Variants in PDE5A observed in about 807,000 individuals in gnomAD.
PDE5A encodes the protein cGMP-specific 3',5'-cyclic phosphodiesterase.
A neutral mutation model predicts 110.2 loss-of-function variants in PDE5A; 67 were observed. The observed-to-expected ratio is 0.61, with a 90% CI of 0.50 to 0.75. The LOEUF (loss-of-function observed/expected upper bound fraction) is 0.75, where lower values mean the gene tolerates loss of function less well. Ranked by LOEUF, PDE5A falls within the 30% of genes least tolerant of loss-of-function variation. The pLI, the probability that PDE5A is intolerant of heterozygous loss-of-function variation, is 0.00. For missense variants in PDE5A, 862 were observed against 1,045.1 expected (o/e 0.82, Z 2.42); for synonymous variants, 328 against 351.2 (o/e 0.93, Z 0.74).
chr4:119,559,886 T>G (rs1727686283), intron 7 of PDE5A, among the ~76,000 whole-genome samples: 1 of 152,178 alleles, frequency 6.6e-6, no homozygotes, highest in Non-Finnish European at 1.5e-5. Context: ...TTTATCTCCC[T>G]TGACTACTCA....
chr4:119,569,650 C>T (rs1728075410), intron 3 of PDE5A: 1 of 152,346 alleles, frequency 6.6e-6, no homozygotes, highest in African/African-American at 2.4e-5. Flanking sequence ...TATAGTAGGA[C>T]AATTACGTAC....
At chr4:119,504,026 G>A (rs1202251876) in intron 18 of PDE5A, among the ~76,000 whole-genome samples, 2 of 151,952 alleles carry the variant, frequency 1.3e-5, no homozygotes, top group Admixed American at 1.3e-4. Context: ...GTGGGGACTG[G>A]GCTTCTAGTA....
intron 11 of PDE5A, among the ~76,000 whole-genome samples, chr4:119,536,954 C>T (rs1396888674): frequency 6.6e-6 from 1 of 152,180 alleles, no homozygotes; most frequent in African/African-American, 2.4e-5. Flanking sequence ...AGTTGACTTA[C>T]ACAAAGAACT....
chr4:119,625,575 G>A (rs1162191286), intron 1 of PDE5A, among the ~76,000 whole-genome samples: 1 of 152,076 alleles, frequency 6.6e-6, no homozygotes, highest in Non-Finnish European at 1.5e-5. Flanking sequence ...TGGACGATCT[G>A]GGTGAATATA....
chr4:119,535,859 A>G (rs1327243985), intron 11 of PDE5A, among the ~76,000 whole-genome samples: 2 of 152,198 alleles, frequency 1.3e-5, no homozygotes, highest in African/African-American at 4.8e-5. Flanking sequence ...AAAAATTAAG[A>G]AAATATTTGA....
chr4:119,628,146 G>C (rs1730429831), intron 1 of PDE5A: 1 of 487,070 alleles, frequency 2.1e-6, no homozygotes, highest in South Asian at 8.6e-5. Flanking sequence ...CGGAGCTGCA[G>C]GGAAGGGGCT....
At chr4:119,580,173 A>C (rs1470029132) in intron 3 of PDE5A, among the ~76,000 whole-genome samples, 2 of 152,014 alleles carry the variant, frequency 1.3e-5, no homozygotes, top group Admixed American at 6.5e-5. Flanking sequence ...CCTAGTGTTT[A>C]TCCTCATCCC....
chr4:119,620,818 A>G (rs1730116687), intron 1 of PDE5A, among the ~76,000 whole-genome samples: 1 of 152,242 alleles, frequency 6.6e-6, no homozygotes, highest in Admixed American at 6.5e-5. Context: ...CGTAAATTTA[A>G]TATGCATATA....
chr4:119,560,716 G>A (rs1467687103), intron 6 of PDE5A, among the ~76,000 whole-genome samples: 1 of 152,098 alleles, frequency 6.6e-6, no homozygotes, highest in East Asian at 1.9e-4. Flanking sequence ...TACATTGATT[G>A]TTGTTAAATC....
chr4:119,598,879 G>C (rs951317621), intron 2 of PDE5A, among the ~76,000 whole-genome samples: 1 of 152,134 alleles, frequency 6.6e-6, no homozygotes, highest in African/African-American at 2.4e-5. Flanking sequence ...GTGACCAAAA[G>C]ATACTGAGTT....
At chr4:119,529,339 A>C (rs1322842428) in intron 11 of PDE5A, among the ~76,000 whole-genome samples, 2 of 152,104 alleles carry the variant, frequency 1.3e-5, no homozygotes, top group Non-Finnish European at 1.5e-5. Context: ...TTGTGATAGC[A>C]AGGCTCCATT....
At position 119,498,629 on chromosome 4, in the gene PDE5A, C is replaced by G. The variant is rs1725177646; in HGVS notation, c.2600G>C (p.Gly867Ala). ...GTTCCGCTTGGCCTGGCCGCTTTCCCCATTAATCAGCATCTTCTCCTGCTG... is the reference window on the plus strand; with the variant it reads ...GTTCCGCTTGGCCTGGCCGCTTTCCGCATTAATCAGCATCTTCTCCTGCTG... ...AEQQEKMLINGESGQAKRN is the reference protein window; with the variant it reads ...AEQQEKMLINAESGQAKRN The change falls in exon 21 of 21, where the codon GGG becomes GCG. Residue 867 changes from glycine to alanine, a missense_variant. Physicochemically the swap from Gly to Ala is moderately conservative, Grantham distance 60. Coordinates refer to ENST00000354960, the MANE Select transcript of PDE5A (RefSeq NM_001083.4). The G allele has an allele frequency of 6.2e-7, 1 of 1,613,906 alleles. No homozygotes were observed. Among genetic ancestry groups the G allele is most frequent in the African/African-American group, 1.3e-5 (1 of 74,908 alleles).
intron 2 of PDE5A, among the ~76,000 whole-genome samples, 155 bp from the exon 3 acceptor site, chr4:119,596,767 C>T (rs564226292): frequency 6.6e-6 from 1 of 152,104 alleles, no homozygotes; most frequent in African/African-American, 2.4e-5. Flanking sequence ...CATGTAAGTA[C>T]ATATTATATT....
intron 12 of PDE5A, among the ~76,000 whole-genome samples, chr4:119,521,467 A>G (rs1726126003): frequency 6.6e-6 from 1 of 151,158 alleles, no homozygotes; most frequent in African/African-American, 2.4e-5. Flanking sequence ...GTATGAATTC[A>G]CCATTTGAGA....
intron 12 of PDE5A, among the ~76,000 whole-genome samples, chr4:119,521,274 C>T (rs1400533615): frequency 1.3e-5 from 2 of 151,868 alleles, no homozygotes; most frequent in Non-Finnish European, 2.9e-5. Flanking sequence ...AATTTGACTC[C>T]ACAGCCTACC....
In PDE5A at chr4:119,624,157, A is replaced by G. The variant is rs182915361; in HGVS notation, c.152+4363T>C. 2.6e-5 allele frequency among the ~76,000 whole-genome samples: 4 copies of G among 152,310 alleles called. No homozygotes were observed. In the East Asian group the frequency reaches 5.8e-4, roughly 22 times the overall value. Reference sequence around the variant, plus strand: ...CCAGAATTACCATTATAAAAATACTATAAACAATATCAAAGTTAGACTGGG... The same window carrying G: ...CCAGAATTACCATTATAAAAATACTGTAAACAATATCAAAGTTAGACTGGG... On this transcript the variant is annotated intron_variant, in intron 1 of 20. Coordinates refer to ENST00000354960, the MANE Select transcript of PDE5A (RefSeq NM_001083.4).
rs1181969155 is a variant in PDE5A at position 119,525,426 on chromosome 4, A to G, written c.1779+123T>C. 4.7e-6 allele frequency: 4 copies of G among 848,780 alleles called. No individual in the cohort carries two copies. The African/African-American group carries it at 6.8e-5, about 14-fold the overall frequency. The allele number at this position is 848,780 out of a possible 1,614,324, so 52.6% of individuals were successfully genotyped here. ...AAGTCTCGGGTATATATTAGGTGAC[A>G]GTATATTAATCACTAAAATGTAAAA... On this transcript the variant is annotated intron_variant, in intron 12 of 20. Coordinates refer to ENST00000354960, the MANE Select transcript of PDE5A (RefSeq NM_001083.4). This position sits in a 1 kb window ranked among gnomAD's most constrained non-coding sequence, Gnocchi z 4.3.
At chr4:119,581,385 CT>C (rs1728583866) in intron 3 of PDE5A, among the ~76,000 whole-genome samples, 1 of 152,214 alleles carries the variant, frequency 6.6e-6, no homozygotes, top group South Asian at 2.1e-4. Flanking sequence ...CCACTGAAAG[CT>C]AGATATCCAT....
At chr4:119,509,749 G>A (rs1725676547) in intron 15 of PDE5A, among the ~76,000 whole-genome samples, 1 of 152,016 alleles carries the variant, frequency 6.6e-6, no homozygotes. Context: ...TTATAAGGAG[G>A]TTGCCAAAAC....
Sources: gnomAD v4.1 joint callset for allele counts (sites outside exome capture counted in the v4.1 genomes callset) on GRCh38, gnomAD v4.1.1 for gene constraint, Gnocchi (gnomAD v3.1) non-coding constraint, MANE v1.5 for transcripts, NCBI Gene and HGNC (gene_info 2026-07-23, HGNC 2026-07-21) for gene names.